The following COL9A3 variants were observed in gnomAD, a reference collection of about 807,000 sequenced individuals.
COL9A3 encodes the protein collagen alpha-3(IX) chain.
A neutral mutation model predicts 110.2 loss-of-function variants in COL9A3; 82 were observed. The observed-to-expected ratio is 0.74, with a 90% confidence interval of 0.62 to 0.89. The LOEUF is 0.89. COL9A3 is among the 40% of genes least tolerant of loss of function. The pLI, the probability that COL9A3 is intolerant of heterozygous loss-of-function variation, is 0.00. For missense variants in COL9A3, 1,066 were observed against 981.3 expected (o/e 1.09, Z -1.15); for synonymous variants, 494 against 403.8 (o/e 1.22, Z -2.68).
chr20:62,825,333 T>C, intron 12 of COL9A3: 1 of 325,264 alleles, frequency 3.1e-6, no homozygotes. Context: ...CTGGCCTCGC[T>C]GTGGAAGCTC....
chr20:62,821,713 GCTTCCGGGTGC>G (rs749286572), intron 7 of COL9A3, 33 bp from the exon 8 acceptor site: 3 of 1,580,306 alleles, frequency 1.9e-6, no homozygotes, highest in East Asian at 4.5e-5. Context: ...GATCCTCGGG[GCTTCCGGGTGC>G]AGACCTCCCC....
chr20:62,827,127 C>T (rs2063559423), intron 15 of COL9A3, 114 bp from the exon 16 acceptor site: 1 of 1,074,082 alleles, frequency 9.3e-7, no homozygotes, highest in African/African-American at 1.5e-5. Context: ...CCATCCCACT[C>T]TCTGACCACT....
intron 31 of COL9A3, among the ~76,000 whole-genome samples, chr20:62,840,195 C>G (rs28613367): frequency 0.13 from 19,700 of 151,732 alleles, 1,789 homozygotes; most frequent in Non-Finnish European, 0.19. Flanking sequence ...CATCACTCAC[C>G]AAAGCCACCC....
chr20:62,833,427 C>T (rs982831888), intron 26 of COL9A3, among the ~76,000 whole-genome samples: 15 of 152,122 alleles, frequency 9.9e-5, no homozygotes, highest in African/African-American at 2.9e-4. Context: ...TGTTTTGAGA[C>T]GAGTCTCACT....
In COL9A3 at chr20:62,840,709, A is replaced by AAATC. The variant is rs1190301717; in HGVS notation, c.2034_2037dup (p.Gly680IlefsTer74). ...AGCCGTGTTAGGAGGGGTCGGGGAG[A>AAATC]AATCAGGCTCTCGAAGCTCATAAAA... On this transcript the variant is annotated frameshift_variant, in exon 32 of 32. Transcript: ENST00000649368. LOFTEE classifies it high-confidence loss of function. 1 of 1,585,174 alleles carries AAATC rather than the reference A, an allele frequency of 6.3e-7. No homozygotes were observed. The highest frequency in any genetic ancestry group is 8.6e-7 in the Non-Finnish European group (1 of 1,165,374).
rs771561895 is a variant in COL9A3 at position 62,835,921 on chromosome 20, G to A, written c.1369G>A (p.Gly457Ser). ...DGLPGDKGEL[G>S]PSGLVGPKGE... ...AAACACACAACTTTTCTCTTCACAG[G>A]GTCCCAGCGGCCTGGTCGGACCCAA... The change falls in exon 27 of 32, where the codon GGT becomes AGT. Residue 457 changes from glycine to serine, a missense_variant and splice_region_variant. By Grantham distance (56) the Gly-to-Ser change is moderately conservative. Coordinates refer to ENST00000649368, the MANE Select transcript of COL9A3 (RefSeq NM_001853.4). 6.2e-7 allele frequency: 1 copy of A among 1,614,064 alleles called. No homozygotes were observed. The highest frequency in any genetic ancestry group is 8.5e-7 in the Non-Finnish European group (1 of 1,180,050).
At chr20:62,827,337 G>A (rs1232626890) in intron 16 of COL9A3, 43 bp downstream of exon 16, 3 of 1,598,668 alleles carry the variant, frequency 1.9e-6, no homozygotes, top group South Asian at 2.2e-5. Flanking sequence ...TTATGTGGAA[G>A]AACCCAATTT....
rs1368870727 is a variant in COL9A3 at position 62,841,115 on chromosome 20, T to C, written c.*383T>C. ...TTCAGATTAATGACTGGCTACAGAG[T>C]AACAAAAAATAAAGAATTTAATGTA... On this transcript the variant is annotated 3_prime_UTR_variant, in exon 32 of 32. Coordinates refer to ENST00000649368, the MANE Select transcript of COL9A3 (RefSeq NM_001853.4). The C allele has an allele frequency of 4.5e-6, 1 of 223,384 alleles. No individual in the cohort carries two copies. The highest frequency in any genetic ancestry group is 9.1e-6 in the Non-Finnish European group (1 of 110,380). 13.8% of individuals were successfully genotyped at this position (223,384 alleles called of 1,614,324 possible).
Position 62,830,573 on chromosome 20 carries a change from T to C in COL9A3, c.1272T>C (p.Gly424=). 1 of 1,602,554 alleles carries C rather than the reference T, an allele frequency of 6.2e-7. No individual in the cohort carries two copies. Among genetic ancestry groups the C allele is most frequent in the Non-Finnish European group, 8.5e-7 (1 of 1,176,296 alleles). The change falls in exon 24 of 32, where the codon GGT becomes GGC. Residue 424 remains glycine (G), a synonymous_variant. Transcript: ENST00000649368. ...PGLPGPQGLR[G]DVGDRGPGGA... is the part of the protein sequence containing the mutation. ...TTCCAGGCCCCCAGGGCCTCCGAGG[T>C]GACGTGGGCGACCGGGTAAGTGGCC...
chr20:62,840,262 G>T (rs1806570433), intron 31 of COL9A3, among the ~76,000 whole-genome samples: 1 of 144,302 alleles, frequency 6.9e-6, no homozygotes, highest in Non-Finnish European at 1.5e-5. Flanking sequence ...TACTCACACA[G>T]CCCCCACCAA....
intron 3 of COL9A3, 110 bp downstream of exon 3, chr20:62,818,663 G>A: frequency 8.2e-7 from 1 of 1,219,644 alleles, no homozygotes; most frequent in South Asian, 1.2e-5. Context: ...AGCCCGGGTT[G>A]CCTGAGGGGA....
rs2147192927 is a variant in COL9A3 at position 62,817,081 on chromosome 20, C to T, written c.17C>T (p.Ala6Val). The T allele has an allele frequency of 7.2e-7, 1 of 1,389,620 alleles. No individual in the cohort carries two copies. The highest frequency in any genetic ancestry group is 1.4e-5 in the South Asian group (1 of 69,932). 86.1% of individuals were successfully genotyped at this position (1,389,620 alleles called of 1,614,324 possible). Reference protein sequence around the residue: MAGPRACAPLLLLLLL... With the variant: MAGPRVCAPLLLLLLL... ...CGCTCAGCCATGGCCGGGCCGCGCGCGTGCGCCCCGCTCCTGCTCCTGCTC... is the reference window on the plus strand; with the variant it reads ...CGCTCAGCCATGGCCGGGCCGCGCGTGTGCGCCCCGCTCCTGCTCCTGCTC... The change falls in exon 1 of 32, where the codon GCG (alanine) becomes GTG (valine). Residue 6 changes from alanine (A) to valine (V), a missense_variant. Transcript: ENST00000649368.
intron 31 of COL9A3, among the ~76,000 whole-genome samples, chr20:62,839,338 A>G (rs150015479): frequency 9.6e-4 from 146 of 152,332 alleles, no homozygotes; most frequent in African/African-American, 2.9e-3. Flanking sequence ...CAGTTAAAGT[A>G]TAACAGAATT....
At chr20:62,830,209 C>T in intron 22 of COL9A3, 151 bp from the exon 23 acceptor site, 1 of 930,576 alleles carries the variant, frequency 1.1e-6, no homozygotes, top group Non-Finnish European at 1.7e-6. Flanking sequence ...GGAGGTAGCC[C>T]TGCCTTTGTC....
intron 17 of COL9A3, 79 bp downstream of exon 17, chr20:62,828,055 G>A: frequency 6.8e-7 from 1 of 1,481,082 alleles, no homozygotes; most frequent in Non-Finnish European, 9.4e-7. Flanking sequence ...ATTCAGAAGG[G>A]CTGGAGCTCA....
In COL9A3 at chr20:62,828,644, A is replaced by C. The variant is rs939767638; in HGVS notation, c.901-120A>C. The C allele has an allele frequency of 5.3e-6, 6 of 1,136,346 alleles. No homozygotes were observed. In the Admixed American group the frequency reaches 1.2e-4, roughly 22 times the overall value. The allele number at this position is 1,136,346 out of a possible 1,614,324, so 70.4% of individuals were successfully genotyped here. The stretch of plus-strand genomic sequence containing the variant: ...TTGGTCATGAAACCAGATAACTGCC[A>C]GGGTGTGGGGGCAGACACAGTTTTA... On this transcript the variant is annotated intron_variant, in intron 17 of 31. Coordinates refer to ENST00000649368, the MANE Select transcript of COL9A3 (RefSeq NM_001853.4).
At position 62,836,685 on chromosome 20, in the gene COL9A3, C is replaced by G. The variant is rs1997839; in HGVS notation, c.1603+153C>G. The G allele has an allele frequency of 6.5e-3, 5,375 of 830,576 alleles. 197 individuals carry two copies. In the African/African-American group the frequency reaches 0.08, roughly 12 times the overall value. 51.5% of individuals were successfully genotyped at this position (830,576 alleles called of 1,614,324 possible). On this transcript the variant is annotated intron_variant, in intron 29 of 31. Transcript: ENST00000649368. ...CCTGTTAGCCCTTGGGGGTCCACGT[C>G]CGCCTTGGCGTCTGCCTGTCCTCTG...
intron 24 of COL9A3, 112 bp downstream of exon 24, chr20:62,830,700 C>CCCCATG: frequency 8.2e-6 from 3 of 364,506 alleles, no homozygotes; most frequent in Non-Finnish European, 1.5e-5. Flanking sequence ...CAACCCCTAC[C>CCCCATG]ACAGTCCCCC....
chr20:62,819,333 G>A (rs764253144), intron 4 of COL9A3, 40 bp downstream of exon 4: 7 of 1,572,080 alleles, frequency 4.5e-6, no homozygotes, highest in Admixed American at 3.5e-5. Flanking sequence ...CCCACTCCCC[G>A]CTCCGGGTCC....
Sources: allele counts gnomAD v4.1 joint callset (sites outside exome capture counted in the v4.1 genomes callset), GRCh38; gene constraint gnomAD v4.1.1; transcripts MANE v1.5; gene names NCBI Gene and HGNC (gene_info 2026-07-23, HGNC 2026-07-21).